Variants in ITGA11 observed in about 807,000 individuals in gnomAD.
ITGA11 encodes the protein integrin subunit alpha 11.
Under a neutral mutation model 141.9 loss-of-function variants are expected in ITGA11, and 97 were observed. The observed-to-expected ratio is 0.68, with a 90% CI of 0.58 to 0.81. ITGA11 has a LOEUF of 0.81. Among genes scored for constraint, ITGA11 ranks in the 30% least tolerant of loss-of-function variants. ITGA11 has a pLI of 0.00. For synonymous variants in ITGA11, 658 were observed against 624.6 expected, an observed-to-expected ratio of 1.05 and a Z score of -0.80; for missense variants, 1,387 against 1,559.2, an observed-to-expected ratio of 0.89 and a Z score of 1.86.
At chr15:68,396,975 T>TATAAATAAA (rs1896273877) in intron 2 of ITGA11, among the ~76,000 whole-genome samples, 1 of 45,642 alleles carries the variant, frequency 2.2e-5, no homozygotes, top group Non-Finnish European at 3.7e-5. Flanking sequence ...AAATAATATA[T>TATAAATAAA]TATATATTAT....
At chr15:68,313,184 A>G (rs1404910039) in intron 23 of ITGA11, among the ~76,000 whole-genome samples, 5 of 151,842 alleles carry the variant, frequency 3.3e-5, no homozygotes, top group African/African-American at 1.2e-4. Context: ...GCTCCCTTCC[A>G]CCCTCTAGGG....
At chr15:68,425,980 A>G (rs1897133637) in intron 1 of ITGA11, among the ~76,000 whole-genome samples, 1 of 152,252 alleles carries the variant, frequency 6.6e-6, no homozygotes, top group South Asian at 2.1e-4. Context: ...TTAGAGCTGC[A>G]TCACCCAAGC....
At chr15:68,349,242 A>C (rs1020061112) in intron 9 of ITGA11, among the ~76,000 whole-genome samples, 1 of 152,252 alleles carries the variant, frequency 6.6e-6, no homozygotes, top group Non-Finnish European at 1.5e-5. Context: ...AGTGCACAGA[A>C]ATAGTGTACG....
Position 68,335,857 on chromosome 15 carries a change from G to T in ITGA11, c.1277-12C>A. 1 of 1,611,338 alleles carries T rather than the reference G, an allele frequency of 6.2e-7. No homozygotes were observed. On this transcript the variant is annotated splice_polypyrimidine_tract_variant and intron_variant, in intron 11 of 29. Coordinates refer to ENST00000315757, the MANE Select transcript of ITGA11 (RefSeq NM_001004439.2). This position sits in a 1 kb window ranked among gnomAD's most constrained non-coding sequence, Gnocchi z 4.9. ...TGTGACTGTGTACCCTGCCACAGGA[G>T]GAAACAGGCTGATCTTTGGCACCGT...
intron 3 of ITGA11, among the ~76,000 whole-genome samples, chr15:68,365,803 G>A (rs959106956): frequency 1.3e-5 from 2 of 151,298 alleles, no homozygotes; most frequent in Non-Finnish European, 2.9e-5. Context: ...TGGCACCATC[G>A]TGGCTCACTG....
Position 68,332,025 on chromosome 15 carries a change from T to C in ITGA11, c.1604A>G (p.His535Arg). 1.9e-6 allele frequency: 3 copies of C among 1,610,386 alleles called. No individual in the cohort carries two copies. The highest frequency in any genetic ancestry group is 2.5e-6 in the Non-Finnish European group (3 of 1,178,334). ...CCCAAATCGGGCATTCTGGTAACTG[T>C]GTGAATCCTTTAGCGTTCCGTTATA... is the stretch of plus-strand genomic sequence containing the variant. The part of the protein sequence containing the change: ...FVYNGTLKDS[H>R]SYQNARFGSS... Residue 535 changes from histidine to arginine, a missense_variant, in exon 14 of 30, where the codon CAC becomes CGC. His to Arg is a conservative substitution (Grantham distance 29). Coordinates refer to ENST00000315757, the MANE Select transcript of ITGA11 (RefSeq NM_001004439.2).
At position 68,326,586 on chromosome 15, in the gene ITGA11, TG is replaced by T; in HGVS notation, c.2211+67del. ...CTTAGAACCAGCCAGGCAGACTCTC[TG>T]CCTCTCCCACGGCAGATGCTCCTTC... On this transcript the variant is annotated intron_variant, in intron 17 of 29. Coordinates refer to ENST00000315757, the MANE Select transcript of ITGA11 (RefSeq NM_001004439.2). This position sits in a 1 kb window ranked among gnomAD's most constrained non-coding sequence, Gnocchi z 6.8. 6.7e-7 allele frequency: 1 copy of T among 1,492,384 alleles called. No homozygotes were observed. The highest frequency in any genetic ancestry group is 9.0e-7 in the Non-Finnish European group (1 of 1,111,314). 92.4% of individuals were successfully genotyped at this position (1,492,384 alleles called of 1,614,324 possible).
intron 2 of ITGA11, among the ~76,000 whole-genome samples, chr15:68,382,065 C>G (rs1478157398): frequency 6.6e-6 from 1 of 152,210 alleles, no homozygotes. Flanking sequence ...GAAGTCTTTT[C>G]TGTCTGGTTC....
chr15:68,398,483 A>G lies in ITGA11; in HGVS notation c.164+4435T>C, dbSNP rs549403552. ...TAAATATATATGCACCCAATACAGG[A>G]GCACCCAGATTCATAAAGGAAGTCC... On this transcript the variant is annotated intron_variant, in intron 2 of 29. Coordinates refer to ENST00000315757, the MANE Select transcript of ITGA11 (RefSeq NM_001004439.2). 1.9e-3 allele frequency among the ~76,000 whole-genome samples: 283 copies of G among 151,244 alleles called. 1 individual carries two copies. The highest frequency in any genetic ancestry group is 6.7e-3 in the African/African-American group (275 of 41,310).
chr15:68,401,654 T>C (rs1273749590), intron 2 of ITGA11, among the ~76,000 whole-genome samples: 1 of 151,988 alleles, frequency 6.6e-6, no homozygotes, highest in African/African-American at 2.4e-5. Context: ...AACTAACCTA[T>C]GGAGATAGGA....
intron 1 of ITGA11, among the ~76,000 whole-genome samples, chr15:68,429,375 T>A (rs1484785775): frequency 6.6e-6 from 1 of 152,252 alleles, no homozygotes; most frequent in African/African-American, 2.4e-5. Flanking sequence ...CAGCAAAGAT[T>A]ATGCTTCTAA....
At chr15:68,343,382 A>G in intron 10 of ITGA11, among the ~76,000 whole-genome samples, 1 of 152,180 alleles carries the variant, frequency 6.6e-6, no homozygotes, top group East Asian at 1.9e-4. Flanking sequence ...GTAAGTCTCA[A>G]AACGAACACT....
intron 22 of ITGA11, 54 bp from the exon 23 acceptor site, chr15:68,313,922 G>A: frequency 7.0e-7 from 1 of 1,424,516 alleles, no homozygotes; most frequent in South Asian, 1.2e-5. Context: ...AGCACAGGCA[G>A]CGGGAAGGGT....
chr15:68,401,385 G>A (rs1037217625), intron 2 of ITGA11, among the ~76,000 whole-genome samples: 6 of 152,106 alleles, frequency 3.9e-5, no homozygotes, highest in African/African-American at 1.2e-4. Context: ...GAATACATAT[G>A]CCCATCAAAA....
chr15:68,386,991 G>A (rs1040820037), intron 2 of ITGA11, among the ~76,000 whole-genome samples: 2 of 152,102 alleles, frequency 1.3e-5, no homozygotes, highest in Admixed American at 6.5e-5. Context: ...AGACTCAGGC[G>A]AGGGAGTAAA....
intron 1 of ITGA11, among the ~76,000 whole-genome samples, chr15:68,413,251 G>A (rs922580480): frequency 6.6e-6 from 1 of 152,182 alleles, no homozygotes; most frequent in Admixed American, 6.5e-5. Context: ...GTTGCTATAA[G>A]TGAGAAGACT....
rs1014845746 is a variant in ITGA11, at chr15:68,298,656, C to G, written c.*4403G>C. 1.3e-5 allele frequency: 2 copies of G among 151,246 alleles called. No homozygotes were observed. The highest frequency in any genetic ancestry group is 4.9e-5 in the African/African-American group (2 of 41,108). The allele number at this position is 151,246 out of a possible 1,614,324, so 9.4% of individuals were successfully genotyped here. Reference sequence around the variant, plus strand: ...TAAAAATAAGAAAGATGGACTCTGTCCTTGATAAGCTTGTTCTCCATTTAG... The same window carrying G: ...TAAAAATAAGAAAGATGGACTCTGTGCTTGATAAGCTTGTTCTCCATTTAG... On this transcript the variant is annotated 3_prime_UTR_variant, in exon 30 of 30. Coordinates refer to ENST00000315757, the MANE Select transcript of ITGA11 (RefSeq NM_001004439.2).
chr15:68,430,407 T>A (rs1897242496), intron 1 of ITGA11, among the ~76,000 whole-genome samples: 1 of 152,198 alleles, frequency 6.6e-6, no homozygotes, highest in African/African-American at 2.4e-5. Context: ...AAAGGTCGCA[T>A]AACCAGTCCA....
At chr15:68,406,241 A>G (rs1896649240) in intron 1 of ITGA11, among the ~76,000 whole-genome samples, 1 of 152,122 alleles carries the variant, frequency 6.6e-6, no homozygotes. Context: ...CCTCAGCTCC[A>G]TCCCCTGTAT....
Sources: gnomAD v4.1 joint callset for allele counts (sites outside exome capture counted in the v4.1 genomes callset) on GRCh38, gnomAD v4.1.1 for gene constraint, Gnocchi (gnomAD v3.1) non-coding constraint, MANE v1.5 for transcripts, NCBI Gene and HGNC (gene_info 2026-07-23, HGNC 2026-07-21) for gene names.